The following PTPRO variants were observed in gnomAD, a reference collection of about 807,000 sequenced individuals.
PTPRO encodes receptor-type tyrosine-protein phosphatase O.
In PTPRO, 62 loss-of-function variants were observed where a neutral mutation model predicts 145.2. The observed-to-expected ratio is 0.43, with a 90% CI of 0.35 to 0.53. The LOEUF (loss-of-function observed/expected upper bound fraction) is 0.53. Ranked by LOEUF, PTPRO falls within the 20% of genes least tolerant of loss-of-function variation. PTPRO has a pLI of 0.01. For missense variants in PTPRO, 1,345 were observed against 1,482.7 expected (o/e 0.91, Z 1.53); for synonymous variants, 565 against 514.7 (o/e 1.10, Z -1.32).
chr12:15,496,134 C>CTTTTTTTTTTTTTTTTTTTTTTTTTT (rs1349321752), intron 2 of PTPRO, among the ~76,000 whole-genome samples: 4 of 93,142 alleles, frequency 4.3e-5, no homozygotes, highest in Non-Finnish European at 4.5e-5. Flanking sequence ...TTTTTCTTTT[C>CTTTTTTTTTTTTTTTTTTTTTTTTTT]TTTTTTTGTT....
intron 1 of PTPRO, among the ~76,000 whole-genome samples, chr12:15,437,336 G>A (rs61908016): frequency 0.012 from 1,832 of 151,770 alleles, 13 homozygotes; most frequent in African/African-American, 0.028. Context: ...AGAGATCTTT[G>A]TGCAGCGGGG....
intron 1 of PTPRO, among the ~76,000 whole-genome samples, chr12:15,329,682 T>C (rs1866551289): frequency 6.6e-6 from 1 of 152,176 alleles, no homozygotes; most frequent in Non-Finnish European, 1.5e-5. Flanking sequence ...GGAATTTTAC[T>C]AGATATTATA....
chr12:15,403,033 A>T (rs192149593), intron 1 of PTPRO, among the ~76,000 whole-genome samples: 1 of 152,320 alleles, frequency 6.6e-6, no homozygotes, highest in East Asian at 1.9e-4. Context: ...AAATTGTGTT[A>T]TATTCCATAT....
intron 1 of PTPRO, among the ~76,000 whole-genome samples, chr12:15,339,851 C>G (rs968898719): frequency 1.4e-4 from 21 of 152,226 alleles, no homozygotes; most frequent in African/African-American, 4.6e-4. Context: ...TTTAAAACTA[C>G]ATGTTGCTAG....
At chr12:15,354,681 G>A (rs953729445) in intron 1 of PTPRO, among the ~76,000 whole-genome samples, 6 of 152,036 alleles carry the variant, frequency 3.9e-5, no homozygotes, top group Admixed American at 1.3e-4. Context: ...GTAATAAAAG[G>A]AGCCATATAA....
intron 1 of PTPRO, among the ~76,000 whole-genome samples, chr12:15,388,896 T>C (rs2136283855): frequency 6.6e-6 from 1 of 152,196 alleles, no homozygotes. Context: ...GAAATCCGCA[T>C]AAAGTGTTCA....
intron 1 of PTPRO, among the ~76,000 whole-genome samples, chr12:15,334,504 ACTG>A (rs1866700348): frequency 6.6e-6 from 1 of 152,202 alleles, no homozygotes; most frequent in African/African-American, 2.4e-5. Context: ...GCTTAAGACA[ACTG>A]CTATTACTTA....
intron 1 of PTPRO, among the ~76,000 whole-genome samples, chr12:15,415,423 C>T (rs956654214): frequency 1.3e-4 from 19 of 148,326 alleles, no homozygotes; most frequent in South Asian, 4.2e-4. Flanking sequence ...CTCGCTCTGT[C>T]GCCCAGGCTG....
chr12:15,428,707 G>A (rs1940350805), intron 1 of PTPRO, among the ~76,000 whole-genome samples: 1 of 152,084 alleles, frequency 6.6e-6, no homozygotes, highest in South Asian at 2.1e-4. Flanking sequence ...CATAATGTAA[G>A]CGGTCATCCA....
At chr12:15,406,423 T>C (rs1939649531) in intron 1 of PTPRO, among the ~76,000 whole-genome samples, 2 of 152,236 alleles carry the variant, frequency 1.3e-5, no homozygotes, top group Admixed American at 1.3e-4. Flanking sequence ...AAGAACATGC[T>C]TTGATCAGCA....
intron 12 of PTPRO, among the ~76,000 whole-genome samples, chr12:15,541,058 T>G (rs570854417): frequency 6.4e-4 from 97 of 152,330 alleles, no homozygotes; most frequent in Admixed American, 1.1e-3. Context: ...GAAAATGGTA[T>G]GTCTATCCCC....
At chr12:15,581,932 G>C (rs1944328866) in intron 23 of PTPRO, 131 bp downstream of exon 23, 1 of 1,258,582 alleles carries the variant, frequency 7.9e-7, no homozygotes, top group Non-Finnish European at 1.1e-6. Context: ...CGAGTGTGGA[G>C]TGGGAAATCA....
intron 12 of PTPRO, among the ~76,000 whole-genome samples, chr12:15,534,172 C>T (rs965403412): frequency 9.2e-5 from 14 of 151,948 alleles, no homozygotes; most frequent in African/African-American, 3.4e-4. Flanking sequence ...GTGACAGGTC[C>T]CTTTGACAGT....
intron 1 of PTPRO, among the ~76,000 whole-genome samples, chr12:15,465,686 T>C (rs1941399902): frequency 6.6e-6 from 1 of 152,122 alleles, no homozygotes; most frequent in South Asian, 2.1e-4. Context: ...GGACAGGATA[T>C]TTCAACAAGA....
intron 1 of PTPRO, chr12:15,439,769 C>T (rs1165604014): frequency 6.8e-6 from 4 of 591,020 alleles, no homozygotes; most frequent in East Asian, 7.6e-5. Context: ...GGAGATCTAC[C>T]TCTTCTCCCT....
intron 1 of PTPRO, among the ~76,000 whole-genome samples, chr12:15,414,185 T>A (rs1393489623): frequency 6.6e-6 from 1 of 152,226 alleles, no homozygotes; most frequent in East Asian, 1.9e-4. Context: ...TTTAGAAAGG[T>A]CTCCTGTTTG....
intron 1 of PTPRO, among the ~76,000 whole-genome samples, chr12:15,383,549 TGA>T (rs1938929305): frequency 6.6e-6 from 1 of 152,222 alleles, no homozygotes; most frequent in South Asian, 2.1e-4. Context: ...CCAGGGCTTA[TGA>T]TACAGCCTCG....
chr12:15,414,961 G>A (rs540826263), intron 1 of PTPRO, among the ~76,000 whole-genome samples: 4 of 152,248 alleles, frequency 2.6e-5, no homozygotes, highest in African/African-American at 9.6e-5. Flanking sequence ...GAGAATGTGA[G>A]AACAATACCG....
intron 1 of PTPRO, among the ~76,000 whole-genome samples, chr12:15,433,788 G>A (rs903240447): frequency 1.3e-5 from 2 of 152,236 alleles, no homozygotes; most frequent in Non-Finnish European, 2.9e-5. Flanking sequence ...ATTGGGTAGC[G>A]TGATGCCTCC....
Sources: gnomAD v4.1 joint callset for allele counts (sites outside exome capture counted in the v4.1 genomes callset) on GRCh38, gnomAD v4.1.1 for gene constraint, MANE v1.5 for transcripts, NCBI Gene and HGNC (gene_info 2026-07-23, HGNC 2026-07-21) for gene names.